Variants in TKT observed in about 807,000 individuals in gnomAD.
TKT encodes the protein transketolase, also known as epididymis luminal protein 107.
A neutral mutation model predicts 63.9 loss-of-function variants in TKT; 47 were observed. The observed-to-expected ratio is 0.74, with a 90% confidence interval of 0.58 to 0.94. TKT has a LOEUF of 0.94. TKT is among the 40% of genes least tolerant of loss of function. The pLI is 0.00. For synonymous variants in TKT, 338 were observed against 334.1 expected (o/e 1.01, Z -0.13); for missense variants, 721 against 846.2 (o/e 0.85, Z 1.84).
At position 53,228,319 on chromosome 3, in the gene TKT, A is replaced by G; in HGVS notation, c.1436T>C (p.Ile479Thr). 1 of 1,614,160 alleles carries G rather than the reference A, an allele frequency of 6.2e-7. No homozygotes were observed. Among genetic ancestry groups the G allele is most frequent in the Non-Finnish European group, 8.5e-7 (1 of 1,180,016 alleles). Reference protein sequence around the residue: ...FIRTSRPENAIIYNNNEDFQV... With the variant: ...FIRTSRPENATIYNNNEDFQV... ...GAAGTCCTCATTGTTGTTATAGATGATGGCATTTTCTGGGCGGCTGGTCCG... is the reference window on the plus strand; with the variant it reads ...GAAGTCCTCATTGTTGTTATAGATGGTGGCATTTTCTGGGCGGCTGGTCCG... Residue 479 changes from isoleucine to threonine, a missense_variant, in exon 11 of 14, where the codon ATC (isoleucine) becomes ACC (threonine). By Grantham distance (89) the Ile-to-Thr change is moderately conservative (BLOSUM62 -1). Coordinates refer to ENST00000462138, the MANE Select transcript of TKT (RefSeq NM_001064.4).
At chr3:53,235,514 T>C in intron 4 of TKT, 1 of 183,676 alleles carries the variant, frequency 5.4e-6, no homozygotes, top group Non-Finnish European at 1.1e-5. Context: ...GAAGGGTGGG[T>C]GAATAGGCTT....
intron 1 of TKT, among the ~76,000 whole-genome samples, chr3:53,243,139 G>A (rs1553680274): frequency 6.6e-6 from 1 of 152,072 alleles, no homozygotes; most frequent in African/African-American, 2.4e-5. Flanking sequence ...GAGTCCCCTT[G>A]GCTTTTTAGA....
chr3:53,246,853 A>G (rs1487667532), intron 1 of TKT, among the ~76,000 whole-genome samples: 1 of 17,430 alleles, frequency 5.7e-5, no homozygotes, highest in East Asian at 6.1e-4. Context: ...CTCCGTCTCA[A>G]AAAAAAAAAA....
intron 13 of TKT, 59 bp downstream of exon 13, chr3:53,226,697 C>T: frequency 1.2e-6 from 2 of 1,611,782 alleles, no homozygotes; most frequent in Non-Finnish European, 1.7e-6. Context: ...GAGGCACGTC[C>T]AACGCTCGGC....
intron 2 of TKT, chr3:53,241,871 T>G: frequency 2.1e-6 from 1 of 487,772 alleles, no homozygotes; most frequent in Non-Finnish European, 3.8e-6. Context: ...CCCTACTCCA[T>G]TTCTTTGAGT....
chr3:53,253,526 T>G (rs908028628), intron 1 of TKT, among the ~76,000 whole-genome samples: 4 of 152,212 alleles, frequency 2.6e-5, no homozygotes, highest in Admixed American at 6.5e-5. Flanking sequence ...ATCCCAGCAC[T>G]TCGGGAGGCC....
chr3:53,238,387 G>T (rs782666692), intron 4 of TKT, among the ~76,000 whole-genome samples: 29 of 152,214 alleles, frequency 1.9e-4, no homozygotes, highest in Non-Finnish European at 4.1e-4. Flanking sequence ...CCTGCCCCAA[G>T]GCTCACCAAG....
rs1553677095 is a variant in TKT, at chr3:53,231,542, C to T, written c.757G>A (p.Asp253Asn). Residue 253 changes from aspartate (D) to asparagine (N), a missense_variant, in exon 7 of 14, where the codon GAT (aspartate) becomes AAT (asparagine). By Grantham distance (23) the Asp-to-Asn change is conservative (BLOSUM62 1). Transcript: ENST00000462138. ...GGCTTCCCATGCCAAGACTCCTTATCTTCTACCCCTGCAGACCCAACACGG... is the reference window on the plus strand; with the variant it reads ...GGCTTCCCATGCCAAGACTCCTTATTTTCTACCCCTGCAGACCCAACACGG... ...FKGRGITGVE[D>N]KESWHGKPLP... 1.2e-6 allele frequency: 2 copies of T among 1,613,590 alleles called. No homozygotes were observed. Among genetic ancestry groups the T allele is most frequent in the Non-Finnish European group, 1.7e-6 (2 of 1,179,768 alleles).
intron 1 of TKT, among the ~76,000 whole-genome samples, chr3:53,245,742 G>A (rs1236100322): frequency 6.6e-6 from 1 of 151,926 alleles, no homozygotes; most frequent in African/African-American, 2.4e-5. Context: ...CCGAGATCAT[G>A]CTACTGCACT....
intron 6 of TKT, 100 bp from the exon 7 acceptor site, chr3:53,231,650 C>T: frequency 1.5e-6 from 2 of 1,291,410 alleles, no homozygotes; most frequent in Non-Finnish European, 2.1e-6. Context: ...CTGCCGAGGG[C>T]AAGGGAGGAA....
intron 1 of TKT, chr3:53,243,591 T>A (rs554820792): frequency 2.2e-6 from 1 of 456,560 alleles, no homozygotes; most frequent in Non-Finnish European, 4.4e-6. Context: ...ACTATTTCTA[T>A]GAACTCCCGG....
At chr3:53,243,660 C>A (rs1163349915) in intron 1 of TKT, 2 of 455,656 alleles carry the variant, frequency 4.4e-6, no homozygotes, top group South Asian at 1.6e-5. Flanking sequence ...AACGAGAAAC[C>A]CTTTTCTGCC....
intron 5 of TKT, 87 bp from the exon 6 acceptor site, chr3:53,233,361 T>TG: frequency 9.1e-7 from 1 of 1,103,494 alleles, no homozygotes; most frequent in Non-Finnish European, 1.3e-6. Flanking sequence ...CCTTGGCAGC[T>TG]GGGGTCTGCC....
chr3:53,233,083 G>T, intron 6 of TKT, 73 bp downstream of exon 6: 2 of 1,292,274 alleles, frequency 1.5e-6, no homozygotes, highest in Non-Finnish European at 2.2e-6. Context: ...CCCTGGATGT[G>T]CGGGTCAGAG....
At position 53,225,950 on chromosome 3, in the gene TKT, G is replaced by A. The variant is rs888634287; in HGVS notation, c.1697-19C>T. 6.3e-7 allele frequency: 1 copy of A among 1,597,658 alleles called. No individual in the cohort carries two copies. Among genetic ancestry groups the A allele is most frequent in the African/African-American group, 1.3e-5 (1 of 74,616 alleles). ...ATGCCACCTAGAAATGAAAGGAGGG[G>A]AGTCAGAAGACGAGGCCTCAGGGTG... is the stretch of plus-strand genomic sequence containing the variant. On this transcript the variant is annotated intron_variant, in intron 13 of 13. Coordinates refer to ENST00000462138, the MANE Select transcript of TKT (RefSeq NM_001064.4).
chr3:53,249,540 G>A lies in TKT; in HGVS notation c.107+6296C>T, dbSNP rs565162593. Among the ~76,000 whole-genome samples, 69 of 152,062 alleles carry A rather than the reference G, an allele frequency of 4.5e-4. 1 individual carries two copies. The highest frequency in any genetic ancestry group is 7.6e-4 in the Non-Finnish European group (52 of 67,974). On this transcript the variant is annotated intron_variant, in intron 1 of 13. Transcript: ENST00000462138. ...GAGGTTACAGTGAGCCAAGATCGCCGCCCCACTGCACTCCAGCCTGGGTGA... is the reference window on the plus strand; with the variant it reads ...GAGGTTACAGTGAGCCAAGATCGCCACCCCACTGCACTCCAGCCTGGGTGA...
At chr3:53,232,482 AG>A in intron 6 of TKT, 2 of 398,910 alleles carry the variant, frequency 5.0e-6, no homozygotes, top group Non-Finnish European at 8.8e-6. Context: ...CCCTGGGATC[AG>A]CCCCCCTCGT....
chr3:53,250,616 C>T (rs1411908712), intron 1 of TKT, among the ~76,000 whole-genome samples: 4 of 151,992 alleles, frequency 2.6e-5, no homozygotes, highest in Admixed American at 6.6e-5. Flanking sequence ...ACAAAAAATA[C>T]AAAAATTAGC....
intron 4 of TKT, 112 bp from the exon 5 acceptor site, chr3:53,235,286 G>A (rs1472420756): frequency 2.0e-6 from 2 of 993,448 alleles, no homozygotes; most frequent in South Asian, 1.9e-5. Flanking sequence ...GCCACGCATG[G>A]ATATGCAGAA....
Sources: gnomAD v4.1 joint callset for allele counts (sites outside exome capture counted in the v4.1 genomes callset) on GRCh38, gnomAD v4.1.1 for gene constraint, MANE v1.5 for transcripts, NCBI Gene and HGNC (gene_info 2026-07-23, HGNC 2026-07-21) for gene names.